NPAS3: variants seen among roughly 807,000 people sequenced by gnomAD.
The protein encoded by NPAS3 is neuronal PAS domain-containing protein 3.
A neutral mutation model predicts 73.1 loss-of-function variants in NPAS3; 14 were observed. The ratio of observed to expected loss-of-function variants is 0.19; its 90% confidence interval spans 0.13 to 0.30. The LOEUF is 0.30. Ranked by LOEUF, NPAS3 falls within the 10% of genes least tolerant of loss-of-function variation. The pLI, the probability that NPAS3 is intolerant of heterozygous loss-of-function variation, is 1.00. For synonymous variants in NPAS3, 620 were observed against 541.5 expected (o/e 1.14, Z -2.01); for missense variants, 1,096 against 1,250.0 (o/e 0.88, Z 1.86).
intron 1 of NPAS3, among the ~76,000 whole-genome samples, chr14:33,030,833 T>C (rs1238060146): frequency 6.6e-6 from 1 of 152,146 alleles, no homozygotes. Flanking sequence ...TCTGTGAAAA[T>C]AACCTACGTA....
chr14:33,529,564 A>T (rs917947224), intron 4 of NPAS3, among the ~76,000 whole-genome samples: 7 of 152,102 alleles, frequency 4.6e-5, no homozygotes, highest in Non-Finnish European at 8.8e-5. Context: ...GACATTATCA[A>T]TCCATTTCCT....
chr14:33,521,671 T>C (rs2053563211), intron 4 of NPAS3, among the ~76,000 whole-genome samples: 1 of 152,148 alleles, frequency 6.6e-6, no homozygotes, highest in Non-Finnish European at 1.5e-5. Context: ...GTATTGACCA[T>C]TTTTTTCATG....
intron 6 of NPAS3, among the ~76,000 whole-genome samples, chr14:33,715,749 T>A (rs1157975519): frequency 1.3e-5 from 2 of 152,214 alleles, no homozygotes; most frequent in African/African-American, 4.8e-5. Flanking sequence ...AAATCTCATC[T>A]TAACTGTAGC....
chr14:33,113,424 G>A (rs2042961383), intron 2 of NPAS3, among the ~76,000 whole-genome samples: 1 of 152,050 alleles, frequency 6.6e-6, no homozygotes. Context: ...TATTCTCTTT[G>A]AAGCAATTGT....
At chr14:33,673,243 G>A (rs753714869) in intron 5 of NPAS3, among the ~76,000 whole-genome samples, 5 of 152,344 alleles carry the variant, frequency 3.3e-5, no homozygotes, top group South Asian at 2.1e-4. Context: ...GCTACTACCT[G>A]AGAGGTAATA....
chr14:33,283,048 C>G (rs149193303), intron 3 of NPAS3, among the ~76,000 whole-genome samples: 2 of 152,126 alleles, frequency 1.3e-5, no homozygotes, highest in African/African-American at 4.8e-5. Context: ...TGACTCTGCC[C>G]CACAGTCTAT....
intron 3 of NPAS3, among the ~76,000 whole-genome samples, chr14:33,355,684 C>G (rs2045307565): frequency 6.6e-6 from 1 of 152,182 alleles, no homozygotes; most frequent in South Asian, 2.1e-4. Flanking sequence ...TTTCCTGAAC[C>G]TGAGAAGTTT....
At chr14:33,453,901 GC>G (rs1202544835) in intron 4 of NPAS3, among the ~76,000 whole-genome samples, 1 of 152,170 alleles carries the variant, frequency 6.6e-6, no homozygotes, top group Non-Finnish European at 1.5e-5. Flanking sequence ...CGTTAGCCAG[GC>G]CGGTCTCAAA....
chr14:33,367,781 A>G lies in NPAS3; in HGVS notation c.468+513A>G, dbSNP rs920355887. On this transcript the variant is annotated intron_variant, in intron 4 of 11. Transcript: ENST00000356141. The stretch of plus-strand genomic sequence containing the variant: ...TCACGGGAAAATATAGTATATTTAA[A>G]AATACTAGTAAAAGGAGACAAATAA... Among the ~76,000 whole-genome samples, 20 of 152,140 alleles carry G rather than the reference A, an allele frequency of 1.3e-4. 1 individual carries two copies. The highest frequency in any genetic ancestry group is 2.4e-4 in the Non-Finnish European group (16 of 68,022).
chr14:33,363,047 G>C (rs1402787486), intron 3 of NPAS3, among the ~76,000 whole-genome samples: 1 of 152,130 alleles, frequency 6.6e-6, no homozygotes, highest in African/African-American at 2.4e-5. Context: ...TAGGGCTCGT[G>C]ACTTTTCCCC....
chr14:33,014,899 G>A (rs1445966451), intron 1 of NPAS3, among the ~76,000 whole-genome samples: 1 of 152,168 alleles, frequency 6.6e-6, no homozygotes, highest in Non-Finnish European at 1.5e-5. Context: ...CCGGGCCTTC[G>A]GAGGAAGCAC....
chr14:33,712,114 C>T (rs964364852), intron 6 of NPAS3, among the ~76,000 whole-genome samples: 7 of 152,098 alleles, frequency 4.6e-5, no homozygotes, highest in African/African-American at 1.7e-4. Context: ...AAGTACTCCA[C>T]TTTGTTCTAA....
intron 4 of NPAS3, among the ~76,000 whole-genome samples, chr14:33,417,008 T>C (rs2138977816): frequency 6.6e-6 from 1 of 152,170 alleles, no homozygotes; most frequent in East Asian, 1.9e-4. Context: ...CTTTAGCTTT[T>C]ATATTTATAT....
At chr14:33,152,038 T>G (rs1030768855) in intron 2 of NPAS3, among the ~76,000 whole-genome samples, 2 of 152,080 alleles carry the variant, frequency 1.3e-5, no homozygotes, top group Non-Finnish European at 2.9e-5. Context: ...ATTTTGCCCC[T>G]CCTGAGGACA....
chr14:33,321,872 T>C (rs11848018), intron 3 of NPAS3, among the ~76,000 whole-genome samples: 1 of 152,136 alleles, frequency 6.6e-6, no homozygotes, highest in Non-Finnish European at 1.5e-5. Context: ...AAAATCAACT[T>C]TGTTACTAGT....
At chr14:33,199,304 G>A (rs1244563991) in intron 2 of NPAS3, among the ~76,000 whole-genome samples, 2 of 152,214 alleles carry the variant, frequency 1.3e-5, no homozygotes, top group African/African-American at 4.8e-5. Context: ...CACTGCCTCT[G>A]TCTACTTTTT....
chr14:32,998,602 C>T (rs2038680426), intron 1 of NPAS3, among the ~76,000 whole-genome samples: 1 of 152,164 alleles, frequency 6.6e-6, no homozygotes. Flanking sequence ...GCTCCAGTTT[C>T]CCCAGCTTCC....
chr14:33,169,324 T>A lies in NPAS3; in HGVS notation c.141-45858T>A, dbSNP rs796414786. On this transcript the variant is annotated intron_variant, in intron 2 of 11. Transcript: ENST00000356141. ...GGCTCATGCCTGTAATCCCAGCACT[T>A]TGGGAGGCCAAGGCAGATGGATCAC... Among the ~76,000 whole-genome samples the A allele has an allele frequency of 1.6e-4, 25 of 152,270 alleles. 1 individual carries two copies. The highest frequency in any genetic ancestry group is 6.0e-4 in the African/African-American group (25 of 41,556).
chr14:33,144,289 G>T (rs1264962268), intron 2 of NPAS3, among the ~76,000 whole-genome samples: 1 of 152,180 alleles, frequency 6.6e-6, no homozygotes, highest in Admixed American at 6.5e-5. Flanking sequence ...TTGTGGTTTT[G>T]ATTTGTGCTT....
Sources: gnomAD v4.1 joint callset for allele counts (sites outside exome capture counted in the v4.1 genomes callset) on GRCh38, gnomAD v4.1.1 for gene constraint, MANE v1.5 for transcripts, NCBI Gene and HGNC (gene_info 2026-07-23, HGNC 2026-07-21) for gene names.